ZSCAN32: variants seen among roughly 807,000 people sequenced by gnomAD.
ZSCAN32 encodes zinc finger and SCAN domain containing 32, also known as zinc finger and SCAN domain-containing protein 32.
Under a neutral mutation model 47.4 loss-of-function variants are expected in ZSCAN32, and 52 were observed. The ratio of observed to expected loss-of-function variants is 1.10; its 90% CI spans 0.88 to 1.38. ZSCAN32 has a LOEUF of 1.38. ZSCAN32 is among the 40% of genes most tolerant of loss of function. The pLI, the probability that ZSCAN32 is intolerant of heterozygous loss-of-function variation, is 0.00. For missense variants in ZSCAN32, 959 were observed against 846.0 expected (o/e 1.13, Z -1.66); for synonymous variants, 346 against 305.7 (o/e 1.13, Z -1.38).
rs779360063 is a variant in ZSCAN32 at position 3,390,147 on chromosome 16, G to A, written c.628-14C>T. 2.5e-6 allele frequency: 4 copies of A among 1,595,498 alleles called. No homozygotes were observed. The Admixed American group carries it at 7.0e-5, about 28-fold the overall frequency. On this transcript the variant is annotated splice_polypyrimidine_tract_variant and intron_variant, in intron 4 of 6. Coordinates refer to ENST00000396852, the MANE Select transcript of ZSCAN32 (RefSeq NM_001284527.2). Reference sequence around the variant, plus strand: ...CATGGCTGGTCCCTGTAACAACACTGGAGCTGCTGCTACCGATAAAATAGC... The same window carrying A: ...CATGGCTGGTCCCTGTAACAACACTAGAGCTGCTGCTACCGATAAAATAGC...
Position 3,393,801 on chromosome 16 carries a change from T to A in ZSCAN32, c.380A>T (p.Glu127Val). ...RAPGQQVLDS[E>V]KDLKVLMKEM... is the part of the protein sequence containing the mutation. ...CTTCATGAGTACTTTCAAGTCCTTC[T>A]CAGAATCTAGAACCTGAGAACAGAC... The change falls in exon 3 of 7, where the codon GAG (glutamate) becomes GTG (valine). Residue 127 changes from glutamate to valine, a missense_variant. By Grantham distance (121) the Glu-to-Val change is moderately radical (BLOSUM62 -2). Transcript: ENST00000396852. 6.5e-7 allele frequency: 1 copy of A among 1,549,490 alleles called. No individual in the cohort carries two copies. The highest frequency in any genetic ancestry group is 8.7e-7 in the Non-Finnish European group (1 of 1,146,244).
In ZSCAN32 at chr16:3,400,725, C is replaced by T. The variant is rs530569747; in HGVS notation, c.-188+220G>A. On this transcript the variant is annotated intron_variant, in intron 1 of 6. Coordinates refer to ENST00000396852, the MANE Select transcript of ZSCAN32 (RefSeq NM_001284527.2). ...TCAAGGCCAGGGGGTCCCGGGGCGC[C>T]GGCGCTCAGGCTCGGGGTGATCCGC... 2.6e-5 allele frequency among the ~76,000 whole-genome samples: 4 copies of T among 152,286 alleles called. No homozygotes were observed. The East Asian group carries it at 7.7e-4, about 29-fold the overall frequency.
At chr16:3,386,129 AGG>A (rs1332414162) in intron 5 of ZSCAN32, among the ~76,000 whole-genome samples, 1 of 152,242 alleles carries the variant, frequency 6.6e-6, no homozygotes, top group Non-Finnish European at 1.5e-5. Context: ...AAGTGGGCAA[AGG>A]ATATGAACAG....
At position 3,393,200 on chromosome 16, in the gene ZSCAN32, ATTTATATTT is replaced by A. The variant is rs2032948959; in HGVS notation, c.532+440_532+448del. 1.3e-4 allele frequency among the ~76,000 whole-genome samples: 3 copies of A among 22,904 alleles called. 1 individual carries two copies. In the Admixed American group the frequency reaches 1.6e-3, roughly 12 times the overall value. 15.0% of individuals were successfully genotyped at this position (22,904 alleles called of 152,430 possible). A position where few individuals can be genotyped will look rare whatever the true frequency, so the allele number is the denominator to read the frequency against. On this transcript the variant is annotated intron_variant, in intron 3 of 6. Transcript: ENST00000396852. ...TATATATTTCTATATTTATATATAT[ATTTATATTT>A]ATATATATATATATATATAAATTTA...
In ZSCAN32 at chr16:3,393,593, T is replaced by C. The variant is rs2033074107; in HGVS notation, c.532+56A>G. ...GGTGGACTCAGTTCAGACCTTTGTT[T>C]CCAGTAAATGATTGTTCCTCACCTG... On this transcript the variant is annotated intron_variant, in intron 3 of 6. Transcript: ENST00000396852. The C allele has an allele frequency of 3.4e-6, 5 of 1,455,546 alleles. No homozygotes were observed. The South Asian group carries it at 4.2e-5, about 12-fold the overall frequency. 90.2% of individuals were successfully genotyped at this position (1,455,546 alleles called of 1,614,324 possible). A position where few individuals can be genotyped will look rare whatever the true frequency, so the allele number is the denominator to read the frequency against.
Position 3,384,683 on chromosome 16 carries a change from G to C in ZSCAN32, c.1010C>G (p.Ala337Gly), listed in dbSNP as rs1328091456. The C allele has an allele frequency of 6.2e-7, 1 of 1,614,186 alleles. No homozygotes were observed. Among genetic ancestry groups the C allele is most frequent in the East Asian group, 2.2e-5 (1 of 44,886 alleles). Residue 337 changes from alanine (A) to glycine (G), a missense_variant, in exon 6 of 7, where the codon GCT becomes GGT. Ala to Gly is a moderately conservative substitution (Grantham distance 60). Transcript: ENST00000396852. Reference protein sequence around the residue: ...EPCIFYEEMNALSGSWASAPP... With the variant: ...EPCIFYEEMNGLSGSWASAPP... Reference sequence around the variant, plus strand: ...TGCAGAGGCCCAGGAGCCTGAAAGAGCATTCATTTCCTCATAAAAGATACA... The same window carrying C: ...TGCAGAGGCCCAGGAGCCTGAAAGACCATTCATTTCCTCATAAAAGATACA...
Position 3,382,797 on chromosome 16 carries a change from A to G in ZSCAN32, c.*55T>C, listed in dbSNP as rs547278707. 2 of 1,520,760 alleles carry G rather than the reference A, an allele frequency of 1.3e-6. No homozygotes were observed. Among genetic ancestry groups the G allele is most frequent in the South Asian group, 2.6e-5 (2 of 75,636 alleles). The allele number at this position is 1,520,760 out of a possible 1,614,324, so 94.2% of individuals were successfully genotyped here. A position where few individuals can be genotyped will look rare whatever the true frequency, so the allele number is the denominator to read the frequency against. ...ACTGGCTAGATCTCTCCACAGCAGA[A>G]GAAAGCTCATACATGCTGACCTGAG... On this transcript the variant is annotated 3_prime_UTR_variant, in exon 7 of 7. Transcript: ENST00000396852.
At position 3,384,791 on chromosome 16, in the gene ZSCAN32, C is replaced by G; in HGVS notation, c.902G>C (p.Arg301Pro). The G allele has an allele frequency of 6.2e-7, 1 of 1,614,156 alleles. No homozygotes were observed. Among genetic ancestry groups the G allele is most frequent in the South Asian group, 1.1e-5 (1 of 91,086 alleles). Residue 301 changes from arginine (R) to proline (P), a missense_variant, in exon 6 of 7, where the codon CGG (arginine) becomes CCG (proline). Coordinates refer to ENST00000396852, the MANE Select transcript of ZSCAN32 (RefSeq NM_001284527.2). ...CTTGGTGCGACACTGTTCTGGGGTC[C>G]GCAGAAAACCCTGCTCCCAGAGTCC... ...AEGLWEQGFL[R>P]TPEQCRTKFK... is the part of the protein sequence containing the mutation.
Position 3,390,028 on chromosome 16 carries a change from C to CCTT in ZSCAN32, c.730_732dup (p.Lys244dup). The CCTT allele has an allele frequency of 6.2e-7, 1 of 1,613,158 alleles. No individual in the cohort carries two copies. Among genetic ancestry groups the CCTT allele is most frequent in the Non-Finnish European group, 8.5e-7 (1 of 1,179,576 alleles). On this transcript the variant is annotated inframe_insertion, in exon 5 of 7. Coordinates refer to ENST00000396852, the MANE Select transcript of ZSCAN32 (RefSeq NM_001284527.2). Reference sequence around the variant, plus strand: ...TCCTTACCCAGCGAGACGTGACTGTCCTTCCTCTGGGTGGCACCCCTGTAG... The same window carrying CCTT: ...TCCTTACCCAGCGAGACGTGACTGTCCTTCTTCCTCTGGGTGGCACCCCTGTAG...
rs1321816050 is a variant in ZSCAN32 at position 3,383,124 on chromosome 16, T to C, written c.1822A>G (p.Ile608Val). The C allele has an allele frequency of 6.2e-7, 1 of 1,614,142 alleles. No homozygotes were observed. Among genetic ancestry groups the C allele is most frequent in the Non-Finnish European group, 8.5e-7 (1 of 1,180,022 alleles). ...THTGEKPYQC[I>V]VCGKRFNNSS... ...TTGTTGAATCTCTTTCCACAGACAA[T>C]GCACTGGTAAGGCTTTTCCCCGGTA... The change falls in exon 7 of 7, where the codon ATT becomes GTT. Residue 608 changes from isoleucine (I) to valine (V), a missense_variant. Transcript: ENST00000396852.
chr16:3,400,749 G>T (rs932780998), intron 1 of ZSCAN32, among the ~76,000 whole-genome samples, 196 bp downstream of exon 1: 2 of 152,182 alleles, frequency 1.3e-5, no homozygotes, highest in Non-Finnish European at 2.9e-5. Flanking sequence ...GGGGTGATCC[G>T]CACGGTGGGA....
intron 1 of ZSCAN32, among the ~76,000 whole-genome samples, chr16:3,399,179 C>T (rs1315315075): frequency 1.3e-5 from 2 of 152,112 alleles, no homozygotes; most frequent in East Asian, 1.9e-4. Flanking sequence ...GCTGTGATCA[C>T]GCCATTGCAC....
Position 3,397,703 on chromosome 16 carries a change from G to T in ZSCAN32, c.-146C>A. 1 of 1,101,226 alleles carries T rather than the reference G, an allele frequency of 9.1e-7. No homozygotes were observed. The highest frequency in any genetic ancestry group is 1.2e-6 in the Non-Finnish European group (1 of 801,362). 68.2% of individuals were successfully genotyped at this position (1,101,226 alleles called of 1,614,324 possible). A position where few individuals can be genotyped will look rare whatever the true frequency, so the allele number is the denominator to read the frequency against. On this transcript the variant is annotated 5_prime_UTR_variant, in exon 2 of 7. Transcript: ENST00000396852. ...GACATGAGAGTGTCAGACATGTGTA[G>T]AGACTCACAGCGGAAAAAAAGGGCT...
At position 3,397,575 on chromosome 16, in the gene ZSCAN32, C is replaced by T. The variant is rs1017235555; in HGVS notation, c.-18G>A. 4 of 1,506,242 alleles carry T rather than the reference C, an allele frequency of 2.7e-6. No homozygotes were observed. The African/African-American group carries it at 5.6e-5, about 21-fold the overall frequency. The allele number at this position is 1,506,242 out of a possible 1,614,324, so 93.3% of individuals were successfully genotyped here. A position where few individuals can be genotyped will look rare whatever the true frequency, so the allele number is the denominator to read the frequency against. On this transcript the variant is annotated 5_prime_UTR_variant, in exon 2 of 7. Coordinates refer to ENST00000396852, the MANE Select transcript of ZSCAN32 (RefSeq NM_001284527.2). ...GCCATCATTTGCTTCAACGAACTGGCTTACTCTGGTTGCCACTTCTACCCT... is the reference window on the plus strand; with the variant it reads ...GCCATCATTTGCTTCAACGAACTGGTTTACTCTGGTTGCCACTTCTACCCT...
Position 3,393,723 on chromosome 16 carries a change from T to G in ZSCAN32, c.458A>C (p.Gln153Pro). The stretch of plus-strand genomic sequence containing the variant: ...AGTCGGTTCCTCTGGCTGAACCTCC[T>G]GTTTCCATTGGGATCTCAGTGATTC... Reference protein sequence around the residue: ...TRESLRSQWKQEVQPEEPTFK... With the variant: ...TRESLRSQWKPEVQPEEPTFK... Residue 153 changes from glutamine to proline, a missense_variant, in exon 3 of 7, where the codon CAG (glutamine) becomes CCG (proline). Physicochemically the swap from Gln to Pro is moderately conservative, Grantham distance 76 (BLOSUM62 -1). Coordinates refer to ENST00000396852, the MANE Select transcript of ZSCAN32 (RefSeq NM_001284527.2). 1 of 1,550,566 alleles carries G rather than the reference T, an allele frequency of 6.4e-7. No homozygotes were observed. The highest frequency in any genetic ancestry group is 8.7e-7 in the Non-Finnish European group (1 of 1,146,978).
At chr16:3,394,999 C>T (rs1036427077) in intron 2 of ZSCAN32, among the ~76,000 whole-genome samples, 7 of 152,224 alleles carry the variant, frequency 4.6e-5, no homozygotes, top group South Asian at 2.1e-4. Flanking sequence ...TCATCTGAAA[C>T]GATCTTTATG....
At chr16:3,399,041 T>G (rs2033638692) in intron 1 of ZSCAN32, among the ~76,000 whole-genome samples, 1 of 152,106 alleles carries the variant, frequency 6.6e-6, no homozygotes, top group Non-Finnish European at 1.5e-5. Flanking sequence ...GCTAACAAGA[T>G]GAAACTCCGT....
intron 5 of ZSCAN32, among the ~76,000 whole-genome samples, chr16:3,386,975 C>CA (rs1253158667): frequency 1.3e-5 from 2 of 149,786 alleles, no homozygotes; most frequent in Non-Finnish European, 3.0e-5. Flanking sequence ...CCTGGTTTCT[C>CA]AAACCGTGCC....
At position 3,397,702 on chromosome 16, in the gene ZSCAN32, A is replaced by G. The variant is rs1416606742; in HGVS notation, c.-145T>C. On this transcript the variant is annotated 5_prime_UTR_variant, in exon 2 of 7. Coordinates refer to ENST00000396852, the MANE Select transcript of ZSCAN32 (RefSeq NM_001284527.2). The stretch of plus-strand genomic sequence containing the variant: ...GGACATGAGAGTGTCAGACATGTGT[A>G]GAGACTCACAGCGGAAAAAAAGGGC... The G allele has an allele frequency of 3.7e-5, 41 of 1,100,512 alleles. No individual in the cohort carries two copies. The highest frequency in any genetic ancestry group is 5.0e-5 in the Non-Finnish European group (40 of 800,260). The allele number at this position is 1,100,512 out of a possible 1,614,324, so 68.2% of individuals were successfully genotyped here.
Sources: gnomAD v4.1 joint callset for allele counts (sites outside exome capture counted in the v4.1 genomes callset) on GRCh38, gnomAD v4.1.1 for gene constraint, MANE v1.5 for transcripts, NCBI Gene and HGNC (gene_info 2026-07-23, HGNC 2026-07-21) for gene names.